RANBP2: variants seen among roughly 807,000 people sequenced by gnomAD.
RANBP2 encodes E3 SUMO-protein ligase RanBP2.
RANBP2 carries 57 observed loss-of-function variants against 303.6 expected under a neutral mutation model. The ratio of observed to expected loss-of-function variants is 0.19; its 90% CI spans 0.15 to 0.23. The LOEUF is 0.23. Ranked by LOEUF, RANBP2 falls within the 10% of genes least tolerant of loss-of-function variation. RANBP2 has a pLI of 1.00. For missense variants in RANBP2, 3,138 were observed against 3,780.8 expected, an observed-to-expected ratio of 0.83 and a Z score of 4.46; for synonymous variants, 1,167 against 1,301.5, an observed-to-expected ratio of 0.90 and a Z score of 2.23.
chr2:109,362,464 G>A, the RANBP2 span, among the ~76,000 whole-genome samples: 1 of 152,156 alleles, frequency 6.6e-6, no homozygotes, highest in African/African-American at 2.4e-5. Flanking sequence ...ATTTGTTAAG[G>A]TGTGTTTTGC....
chr2:109,672,769 T>C, the RANBP2 span, among the ~76,000 whole-genome samples: 1 of 152,230 alleles, frequency 6.6e-6, no homozygotes, highest in African/African-American at 2.4e-5. Context: ...ATACTGTTGA[T>C]ATATGTACAA....
the RANBP2 span, among the ~76,000 whole-genome samples, chr2:109,495,681 G>A: frequency 5.3e-5 from 8 of 151,638 alleles, no homozygotes; most frequent in East Asian, 7.7e-4. Context: ...TAGTAGAGAC[G>A]GGGTTTCGCC....
chr2:108,812,619 T>C, the RANBP2 span: 1 of 1,603,762 alleles, frequency 6.2e-7, no homozygotes, highest in South Asian at 1.1e-5. Context: ...TCTAACTTTT[T>C]CTACCCTTTA....
chr2:109,138,000 T>TA, the RANBP2 span, among the ~76,000 whole-genome samples: 1 of 152,180 alleles, frequency 6.6e-6, no homozygotes, highest in South Asian at 2.1e-4. Flanking sequence ...GGCAGACACA[T>TA]ACATTTATTT....
chr2:109,487,076 G>A, the RANBP2 span, among the ~76,000 whole-genome samples: 21 of 152,152 alleles, frequency 1.4e-4, no homozygotes, highest in African/African-American at 4.6e-4. Flanking sequence ...GCAGAAGAAG[G>A]CAGTCAGGAA....
At chr2:109,421,896 A>G in the RANBP2 span, among the ~76,000 whole-genome samples, 47 of 152,326 alleles carry the variant, frequency 3.1e-4, no homozygotes, top group African/African-American at 1.1e-3. Context: ...ATGCCAGGCA[A>G]CATTACATAC....
the RANBP2 span, among the ~76,000 whole-genome samples, chr2:109,032,327 C>G: frequency 3.3e-5 from 5 of 152,036 alleles, no homozygotes; most frequent in Non-Finnish European, 7.4e-5. Context: ...CTTTGTTTTG[C>G]AGGAAGGTGA....
At chr2:109,460,433 T>C in the RANBP2 span, among the ~76,000 whole-genome samples, 1 of 152,176 alleles carries the variant, frequency 6.6e-6, no homozygotes, top group African/African-American at 2.4e-5. Flanking sequence ...GTGGTAGTCG[T>C]AGCCAGGTTG....
At chr2:109,199,607 T>TCAACCCGACTGCAG in the RANBP2 span, among the ~76,000 whole-genome samples, 1 of 276 alleles carries the variant, frequency 3.6e-3, no homozygotes. Flanking sequence ...TGGAATGGAA[T>TCAACCCGACTGCAG]GGAATGGAAT....
At chr2:108,837,862 T>C in the RANBP2 span, among the ~76,000 whole-genome samples, 1 of 152,198 alleles carries the variant, frequency 6.6e-6, no homozygotes, top group East Asian at 1.9e-4. Flanking sequence ...GCTAGTAAAT[T>C]TTATTCCATA....
chr2:108,771,987 G>T (rs914248845), intron 21 of RANBP2, 116 bp downstream of exon 21: 9 of 1,295,618 alleles, frequency 6.9e-6, no homozygotes, highest in Non-Finnish European at 8.8e-6. Context: ...ATCCTTGCAG[G>T]TAGATATTTA....
At chr2:108,773,704 T>TG in intron 23 of RANBP2, among the ~76,000 whole-genome samples, 1 of 151,484 alleles carries the variant, frequency 6.6e-6, no homozygotes, top group Non-Finnish European at 1.5e-5. Flanking sequence ...TGGAGTGCAG[T>TG]GGGGCGATCT....
the RANBP2 span, among the ~76,000 whole-genome samples, chr2:109,689,243 GA>G: frequency 1.8e-4 from 28 of 152,214 alleles, no homozygotes; most frequent in African/African-American, 6.7e-4. Flanking sequence ...ACCTCTGCCT[GA>G]AAATCTGGTA....
the RANBP2 span, among the ~76,000 whole-genome samples, chr2:109,603,712 TAGTC>T: frequency 3.3e-5 from 5 of 152,096 alleles, no homozygotes; most frequent in African/African-American, 4.8e-5. Flanking sequence ...GAAATCTACA[TAGTC>T]AGAGAAAGCA....
At chr2:109,006,338 C>T in the RANBP2 span, among the ~76,000 whole-genome samples, 64,382 of 151,802 alleles carry the variant, frequency 0.42, 17,225 homozygotes, top group South Asian at 0.6. Context: ...GGATTACAGG[C>T]GCTTGCCAAC....
chr2:109,762,327 C>T, the RANBP2 span, among the ~76,000 whole-genome samples: 1 of 150,040 alleles, frequency 6.7e-6, no homozygotes, highest in Admixed American at 6.8e-5. Flanking sequence ...TATAGGTTTA[C>T]ATTTAGAGAT....
At chr2:108,795,911 A>G in the RANBP2 span, among the ~76,000 whole-genome samples, 1 of 152,232 alleles carries the variant, frequency 6.6e-6, no homozygotes, top group African/African-American at 2.4e-5. Flanking sequence ...GATTCCTTTG[A>G]TAACACTTTA....
At chr2:109,610,598 C>T in the RANBP2 span, among the ~76,000 whole-genome samples, 17 of 152,070 alleles carry the variant, frequency 1.1e-4, no homozygotes, top group Non-Finnish European at 2.4e-4. Context: ...TGCCTGTAAT[C>T]CCAACTACTC....
chr2:109,046,812 C>G, the RANBP2 span, among the ~76,000 whole-genome samples: 4 of 152,078 alleles, frequency 2.6e-5, no homozygotes, highest in Non-Finnish European at 4.4e-5. Flanking sequence ...ATGTCTGGAC[C>G]ACAGGACCTC....
Sources: gnomAD v4.1 joint callset for allele counts (sites outside exome capture counted in the v4.1 genomes callset) on GRCh38, gnomAD v4.1.1 for gene constraint, MANE v1.5 for transcripts, NCBI Gene and HGNC (gene_info 2026-07-23, HGNC 2026-07-21) for gene names.